The following OR2V1 variants were observed in gnomAD, a reference collection of about 807,000 sequenced individuals.
The protein encoded by OR2V1 is olfactory receptor family 2 subfamily V member 1, also known as olfactory receptor 2V1.
OR2V1 carries 18 observed loss-of-function variants against 15.0 expected under a neutral mutation model. The observed-to-expected ratio is 1.20, with a 90% CI of 0.83 to 1.78. The LOEUF (loss-of-function observed/expected upper bound fraction) is 1.78, where lower values mean the gene tolerates loss of function less well. Ranked by LOEUF, OR2V1 falls within the 40% of genes most tolerant of loss-of-function variation. The pLI, the probability that OR2V1 is intolerant of heterozygous loss-of-function variation, is 0.00. For missense variants in OR2V1, 359 were observed against 392.9 expected (o/e 0.91, Z 0.73); for synonymous variants, 144 against 146.1 (o/e 0.99, Z 0.10).
chr5:181,125,355 A>G, intron 3 of OR2V1, 30 bp from the exon 4 acceptor site: 1 of 1,519,056 alleles, frequency 6.6e-7, no homozygotes, highest in Non-Finnish European at 9.0e-7. Flanking sequence ...TATAAGATTG[A>G]GTGACATGTC....
At chr5:181,126,215 T>C (rs907132487) in intron 3 of OR2V1, among the ~76,000 whole-genome samples, 2 of 152,142 alleles carry the variant, frequency 1.3e-5, no homozygotes, top group African/African-American at 4.8e-5. Flanking sequence ...ACCCTCCTTT[T>C]TCTGATGGGT....
At chr5:181,126,003 A>G (rs1762866775) in intron 3 of OR2V1, among the ~76,000 whole-genome samples, 1 of 152,200 alleles carries the variant, frequency 6.6e-6, no homozygotes, top group South Asian at 2.1e-4. Flanking sequence ...AAAAGAAAAA[A>G]AAGGAAAGAT....
chr5:181,128,409 C>T (rs565520092), intron 3 of OR2V1, among the ~76,000 whole-genome samples: 2 of 152,318 alleles, frequency 1.3e-5, no homozygotes, highest in African/African-American at 4.8e-5. Context: ...CTATTTGTCA[C>T]GTAGTCCTGG....
In OR2V1 at chr5:181,126,027, G is replaced by C. The variant is rs545816886; in HGVS notation, c.-21-702C>G. On this transcript the variant is annotated intron_variant, in intron 3 of 3. Coordinates refer to ENST00000641551, the MANE Select transcript of OR2V1 (RefSeq NM_001258283.2). Reference sequence around the variant, plus strand: ...AAAAGGAAAGATCATGGCAACGTGAGATGTTCTTTAGTCTTTACTTTGTTC... The same window carrying C: ...AAAAGGAAAGATCATGGCAACGTGACATGTTCTTTAGTCTTTACTTTGTTC... Among the ~76,000 whole-genome samples the C allele has an allele frequency of 4.5e-4, 69 of 152,286 alleles. 1 individual carries two copies. In the South Asian group the frequency reaches 0.013, roughly 30 times the overall value.
chr5:181,126,102 C>T (rs1259303361), intron 3 of OR2V1, among the ~76,000 whole-genome samples: 1 of 152,186 alleles, frequency 6.6e-6, no homozygotes, highest in Non-Finnish European at 1.5e-5. Context: ...CTTTAATTCC[C>T]TAGGTCCAAA....
intron 3 of OR2V1, among the ~76,000 whole-genome samples, chr5:181,128,921 T>C (rs773607476): frequency 7.2e-5 from 11 of 152,212 alleles, no homozygotes; most frequent in Non-Finnish European, 7.4e-5. Flanking sequence ...CAGTCAATAT[T>C]TGTTGAATGC....
intron 3 of OR2V1, among the ~76,000 whole-genome samples, chr5:181,126,552 A>G (rs1176011756): frequency 6.6e-6 from 1 of 151,986 alleles, no homozygotes; most frequent in East Asian, 1.9e-4. Context: ...ACAGACACAC[A>G]CATATACACA....
At chr5:181,128,192 TCA>T (rs34343246) in intron 3 of OR2V1, among the ~76,000 whole-genome samples, 650 of 41,130 alleles carry the variant, frequency 0.016, 6 homozygotes, top group African/African-American at 0.025. Flanking sequence ...TGTCCTCTCC[TCA>T]CACACACACA....
chr5:181,124,430 C>A lies in OR2V1; in HGVS notation c.875G>T (p.Ser292Ile). ...CCCCATCACCTCCCCATTCCTCAAG[C>A]TGTAAATGAGGGGGTTCAGCATGGG... is the stretch of plus-strand genomic sequence containing the variant. ...LTPMLNPLIY[S>I]LRNGEVMGAL... The change falls in exon 4 of 4, where the codon AGC becomes ATC. Residue 292 changes from serine to isoleucine, a missense_variant. Transcript: ENST00000641551. 1 of 1,613,536 alleles carries A rather than the reference C, an allele frequency of 6.2e-7. No homozygotes were observed. Among genetic ancestry groups the A allele is most frequent in the Non-Finnish European group, 8.5e-7 (1 of 1,179,768 alleles).
At chr5:181,127,507 C>A (rs1175709551) in intron 3 of OR2V1, among the ~76,000 whole-genome samples, 1 of 152,176 alleles carries the variant, frequency 6.6e-6, no homozygotes, top group African/African-American at 2.4e-5. Flanking sequence ...TACCTCACTG[C>A]AGCGTTAAAT....
intron 3 of OR2V1, among the ~76,000 whole-genome samples, chr5:181,126,865 C>T (rs1002098751): frequency 4.6e-5 from 7 of 152,198 alleles, no homozygotes; most frequent in Non-Finnish European, 8.8e-5. Flanking sequence ...GAGGTCCCCT[C>T]GGGCCCCTCC....
rs1235486541 is a variant in OR2V1, at chr5:181,123,527, T to A, written c.*830A>T. On this transcript the variant is annotated 3_prime_UTR_variant, in exon 4 of 4. Coordinates refer to ENST00000641551, the MANE Select transcript of OR2V1 (RefSeq NM_001258283.2). ...TGGTTGCAGTCTTTTGAGTTTCCGATGAGACATTCCAAAGGAGTCAATCAG... is the reference window on the plus strand; with the variant it reads ...TGGTTGCAGTCTTTTGAGTTTCCGAAGAGACATTCCAAAGGAGTCAATCAG... 1.3e-5 allele frequency: 2 copies of A among 154,530 alleles called. No individual in the cohort carries two copies. Among genetic ancestry groups the A allele is most frequent in the East Asian group, 1.9e-4 (1 of 5,346 alleles). 9.6% of individuals were successfully genotyped at this position (154,530 alleles called of 1,614,324 possible). A position where few individuals can be genotyped will look rare whatever the true frequency, so the allele number is the denominator to read the frequency against.
intron 3 of OR2V1, among the ~76,000 whole-genome samples, chr5:181,127,554 G>A (rs17080811): frequency 0.66 from 99,769 of 151,838 alleles, 33,640 homozygotes; most frequent in African/African-American, 0.81. Flanking sequence ...CTCTGTGCCA[G>A]GACCCCGGGG....
chr5:181,125,813 C>T (rs560343822), intron 3 of OR2V1, among the ~76,000 whole-genome samples: 2 of 152,292 alleles, frequency 1.3e-5, no homozygotes, highest in East Asian at 3.9e-4. Context: ...TGGAGAAACC[C>T]TGTCTCTACT....
At position 181,124,622 on chromosome 5, in the gene OR2V1, C is replaced by T. The variant is rs372188191; in HGVS notation, c.683G>A (p.Arg228Gln). 71 of 1,613,640 alleles carry T rather than the reference C, an allele frequency of 4.4e-5. 1 individual carries two copies. Among genetic ancestry groups the T allele is most frequent in the East Asian group, 3.8e-4 (17 of 44,884 alleles). The change falls in exon 4 of 4, where the codon CGA becomes CAA. Residue 228 changes from arginine (R) to glutamine (Q), a missense_variant. Physicochemically the swap from Arg to Gln is conservative, Grantham distance 43. Transcript: ENST00000641551. ...SYACILGAVL[R>Q]IRSAQAWKKA... The stretch of plus-strand genomic sequence containing the variant: ...TTTCCAGGCCTGAGCAGAGCGTATT[C>T]GGAGCACAGCCCCTAGGATGCAAGC...
intron 3 of OR2V1, among the ~76,000 whole-genome samples, chr5:181,127,952 C>T (rs1052738812): frequency 6.6e-6 from 1 of 151,808 alleles, no homozygotes; most frequent in Non-Finnish European, 1.5e-5. Flanking sequence ...GCATGGTTGA[C>T]TGATGCCACT....
At chr5:181,128,966 A>C (rs962060873) in intron 3 of OR2V1, among the ~76,000 whole-genome samples, 2 of 152,192 alleles carry the variant, frequency 1.3e-5, no homozygotes, top group South Asian at 4.1e-4. Flanking sequence ...CCTGGCTCAC[A>C]CCTGTAATTC....
chr5:181,125,130 G>A lies in OR2V1; in HGVS notation c.175C>T (p.Pro59Ser). 1.2e-6 allele frequency: 2 copies of A among 1,614,186 alleles called. No individual in the cohort carries two copies. The highest frequency in any genetic ancestry group is 1.7e-6 in the Non-Finnish European group (2 of 1,180,038). ...LIYLDAGLHT[P>S]MYFFLSQLSL... ...AGCTGGCTGAGGAAGAAGTACATGGGGGTGTGAAGTCCAGCGTCCAGGTAG... is the reference window on the plus strand; with the variant it reads ...AGCTGGCTGAGGAAGAAGTACATGGAGGTGTGAAGTCCAGCGTCCAGGTAG... Residue 59 changes from proline (P) to serine (S), a missense_variant, in exon 4 of 4, where the codon CCC becomes TCC. Physicochemically the swap from Pro to Ser is moderately conservative, Grantham distance 74. Transcript: ENST00000641551.
At chr5:181,131,013 G>A (rs998876593) in intron 1 of OR2V1, 37 bp downstream of exon 1, 4 of 152,374 alleles carry the variant, frequency 2.6e-5, no homozygotes, top group Admixed American at 2.6e-4. Flanking sequence ...TTGCTCAAGG[G>A]GTCTACAGCC....
Sources: gnomAD v4.1 joint callset for allele counts (sites outside exome capture counted in the v4.1 genomes callset) on GRCh38, gnomAD v4.1.1 for gene constraint, MANE v1.5 for transcripts, NCBI Gene and HGNC (gene_info 2026-07-23, HGNC 2026-07-21) for gene names.